MYLK3: variants seen among roughly 807,000 people sequenced by gnomAD.
MYLK3 encodes myosin light chain kinase 3, also known as MLC kinase.
Under a neutral mutation model 76.3 loss-of-function variants are expected in MYLK3, and 55 were observed. The observed-to-expected ratio is 0.72, with a 90% CI of 0.58 to 0.90. The LOEUF (loss-of-function observed/expected upper bound fraction) is 0.90. Among genes scored for constraint, MYLK3 ranks in the 40% least tolerant of loss-of-function variants. The pLI, the probability that MYLK3 is intolerant of heterozygous loss-of-function variation, is 0.00. For missense variants in MYLK3, 973 were observed against 1,053.6 expected (o/e 0.92, Z 1.06); for synonymous variants, 416 against 425.4 (o/e 0.98, Z 0.27).
chr16:46,713,421 A>G (rs1966705290), intron 9 of MYLK3, among the ~76,000 whole-genome samples: 1 of 151,816 alleles, frequency 6.6e-6, no homozygotes, highest in Non-Finnish European at 1.5e-5. Context: ...CTGGCCTCAA[A>G]CTCCTGAGCT....
intron 1 of MYLK3, among the ~76,000 whole-genome samples, chr16:46,744,662 A>C (rs1966992561): frequency 6.6e-6 from 1 of 152,030 alleles, no homozygotes; most frequent in Non-Finnish European, 1.5e-5. Context: ...TTAAAGTATA[A>C]GATAATCAGG....
chr16:46,738,268 A>G, intron 2 of MYLK3, 125 bp from the exon 3 acceptor site: 1 of 858,372 alleles, frequency 1.2e-6, no homozygotes, highest in Non-Finnish European at 1.7e-6. Flanking sequence ...ACTGGAAGCA[A>G]CCCAAATGAA....
chr16:46,703,978 T>C lies in MYLK3; in HGVS notation c.*3726A>G, dbSNP rs926807842. ...TCAGTTATTGGAAAACAGTGAGTTA[T>C]GTTTCAAACAACTTGAGTATGTAAA... On this transcript the variant is annotated 3_prime_UTR_variant, in exon 13 of 13. Transcript: ENST00000394809. The C allele has an allele frequency of 1.3e-5, 2 of 153,604 alleles. No homozygotes were observed. The highest frequency in any genetic ancestry group is 4.8e-5 in the African/African-American group (2 of 41,468). 9.5% of individuals were successfully genotyped at this position (153,604 alleles called of 1,614,324 possible).
chr16:46,716,168 C>T (rs1224216957), intron 9 of MYLK3, among the ~76,000 whole-genome samples: 1 of 152,106 alleles, frequency 6.6e-6, no homozygotes, highest in Non-Finnish European at 1.5e-5. Context: ...GTGGCCTGCT[C>T]TTACATGTGG....
chr16:46,748,577 G>A (rs952264039), upstream of MYLK3, among the ~76,000 whole-genome samples: 1 of 152,198 alleles, frequency 6.6e-6, no homozygotes, highest in Non-Finnish European at 1.5e-5. This position sits in a 1 kb window ranked among gnomAD's most constrained non-coding sequence, Gnocchi z 4.3. Context: ...GGAAAGGAAA[G>A]GGTCCTTTGG....
rs1966638698 is a variant in MYLK3, at chr16:46,707,603, A to G, written c.*101T>C. The G allele has an allele frequency of 1.4e-5, 11 of 773,748 alleles. 1 individual carries two copies. Among genetic ancestry groups the G allele is most frequent in the East Asian group, 2.6e-5 (1 of 38,636 alleles). The allele number at this position is 773,748 out of a possible 1,614,324, so 47.9% of individuals were successfully genotyped here. A position where few individuals can be genotyped will look rare whatever the true frequency, so the allele number is the denominator to read the frequency against. On this transcript the variant is annotated 3_prime_UTR_variant, in exon 13 of 13. Transcript: ENST00000394809. ...CATTTTTACAAAATAAGTGGAATCA[A>G]TAATACCAAAAAGCCAAATTATTTA...
chr16:46,709,370 C>G (rs1966658917), intron 12 of MYLK3, among the ~76,000 whole-genome samples, 169 bp downstream of exon 12: 1 of 150,986 alleles, frequency 6.6e-6, no homozygotes, highest in Admixed American at 6.6e-5. Context: ...TACAGTGAAC[C>G]ATGATCATGC....
chr16:46,741,126 C>G (rs556724422), intron 1 of MYLK3, among the ~76,000 whole-genome samples: 2 of 152,358 alleles, frequency 1.3e-5, no homozygotes, highest in East Asian at 3.9e-4. Flanking sequence ...TTCTCTGCAT[C>G]TCACTTTCCT....
intron 5 of MYLK3, 101 bp from the exon 6 acceptor site, chr16:46,729,788 G>T (rs1278317115): frequency 9.9e-7 from 1 of 1,007,624 alleles, no homozygotes; most frequent in Non-Finnish European, 1.5e-6. Context: ...AGGCCATGTG[G>T]ACCATCCTAC....
intron 1 of MYLK3, among the ~76,000 whole-genome samples, chr16:46,755,368 G>A (rs1463572275): frequency 1.3e-5 from 2 of 151,778 alleles, no homozygotes; most frequent in African/African-American, 4.8e-5. Context: ...TGAGGCAGGA[G>A]AATTGCTTGA....
chr16:46,743,037 C>T (rs968855392), intron 1 of MYLK3, among the ~76,000 whole-genome samples: 1 of 152,206 alleles, frequency 6.6e-6, no homozygotes, highest in Admixed American at 6.5e-5. Context: ...GTACGCACCC[C>T]CCACCCCCAG....
rs1228739200 is a variant in MYLK3 at position 46,706,073 on chromosome 16, G to A, written c.*1631C>T. The A allele has an allele frequency of 6.6e-6, 1 of 152,062 alleles. No homozygotes were observed. The highest frequency in any genetic ancestry group is 1.5e-5 in the Non-Finnish European group (1 of 68,016). 9.4% of individuals were successfully genotyped at this position (152,062 alleles called of 1,614,324 possible). Reference sequence around the variant, plus strand: ...AATGCATATAGAAAAGTGTTTAAATGTACAGTGGACCCTTGAACAATGTGA... The same window carrying A: ...AATGCATATAGAAAAGTGTTTAAATATACAGTGGACCCTTGAACAATGTGA... On this transcript the variant is annotated 3_prime_UTR_variant, in exon 13 of 13. Transcript: ENST00000394809.
At position 46,732,310 on chromosome 16, in the gene MYLK3, C is replaced by T; in HGVS notation, c.1360G>A (p.Gly454Arg). Reference protein sequence around the residue: ...GLQQGKSPGAGNPEPEQDCAA... With the variant: ...GLQQGKSPGARNPEPEQDCAA... ...CAGTCCTGCTCAGGCTCAGGGTTTC[C>T]CGCCCCTGGGCTTTTGCCCTGCTGC... The change falls in exon 4 of 13, where the codon GGA becomes AGA. Residue 454 changes from glycine to arginine, a missense_variant. Physicochemically the swap from Gly to Arg is moderately radical, Grantham distance 125 (BLOSUM62 -2). This residue lies in a region of MYLK3 where 641 missense variants were observed against 637.0 expected (regional missense o/e 1.01). Transcript: ENST00000394809. The T allele has an allele frequency of 6.2e-7, 1 of 1,611,456 alleles. No homozygotes were observed. Among genetic ancestry groups the T allele is most frequent in the Non-Finnish European group, 8.5e-7 (1 of 1,180,026 alleles).
At chr16:46,752,973 C>T (rs771387460), upstream of MYLK3, among the ~76,000 whole-genome samples, 2 of 152,096 alleles carry the variant, frequency 1.3e-5, no homozygotes. Context: ...AGAGACTTCA[C>T]GGTAAAGGAA....
In MYLK3 at chr16:46,703,095, CAT is replaced by C. The variant is rs1380857769; in HGVS notation, c.*4607_*4608del. Among the ~76,000 whole-genome samples, 1 of 152,044 alleles carries C rather than the reference CAT, an allele frequency of 6.6e-6. No individual in the cohort carries two copies. The highest frequency in any genetic ancestry group is 1.5e-5 in the Non-Finnish European group (1 of 68,016). On this transcript the variant is annotated 3_prime_UTR_variant, in exon 13 of 13. Coordinates refer to ENST00000394809, the MANE Select transcript of MYLK3 (RefSeq NM_182493.3). ...TACGGTTTTTTAATGCACATATAAG[CAT>C]ATGTCTCTTCACAAATGGGATGATA...
At chr16:46,712,585 A>G in intron 10 of MYLK3, 63 bp downstream of exon 10, 3 of 1,361,318 alleles carry the variant, frequency 2.2e-6, no homozygotes, top group Non-Finnish European at 2.9e-6. Context: ...TGCTTCTAAG[A>G]TTACCCAAAG....
rs1966633600 is a variant in MYLK3, at chr16:46,707,039, T to G, written c.*665A>C. 1 of 152,150 alleles carries G rather than the reference T, an allele frequency of 6.6e-6. No individual in the cohort carries two copies. The highest frequency in any genetic ancestry group is 2.4e-5 in the African/African-American group (1 of 41,428). 9.4% of individuals were successfully genotyped at this position (152,150 alleles called of 1,614,324 possible). A position where few individuals can be genotyped will look rare whatever the true frequency, so the allele number is the denominator to read the frequency against. ...CTTCCAGACTTACAAGACCAGAAAT[T>G]TATAACTAAGACAGAGGGGTTAAGA... On this transcript the variant is annotated 3_prime_UTR_variant, in exon 13 of 13. Coordinates refer to ENST00000394809, the MANE Select transcript of MYLK3 (RefSeq NM_182493.3).
chr16:46,736,271 TCA>T (rs1425723622), intron 3 of MYLK3, among the ~76,000 whole-genome samples: 2 of 152,102 alleles, frequency 1.3e-5, no homozygotes, highest in African/African-American at 4.8e-5. Flanking sequence ...CCTCGGCCTC[TCA>T]CAGTGCTGGG....
chr16:46,742,714 G>C (rs1320436096), intron 1 of MYLK3, among the ~76,000 whole-genome samples: 1 of 152,158 alleles, frequency 6.6e-6, no homozygotes, highest in Non-Finnish European at 1.5e-5. Context: ...TAAGGACATA[G>C]CACATGGAGA....
Sources: gnomAD v4.1 joint callset for allele counts (sites outside exome capture counted in the v4.1 genomes callset) on GRCh38, gnomAD v4.1.1 for gene constraint, gnomAD v4.1.1 regional missense constraint, Gnocchi (gnomAD v3.1) non-coding constraint, MANE v1.5 for transcripts, NCBI Gene and HGNC (gene_info 2026-07-23, HGNC 2026-07-21) for gene names.